HRH1: variants seen among roughly 807,000 people sequenced by gnomAD.
The protein encoded by HRH1 is histamine receptor H1, also known as histamine H1 receptor.
A neutral mutation model predicts 10.3 loss-of-function variants in HRH1; 6 were observed. That is an observed-to-expected ratio of 0.58 (90% confidence interval 0.32 to 1.15). The LOEUF is 1.15. HRH1 is among the 50% of genes most tolerant of loss of function. HRH1 has a pLI of 0.05. For missense variants in HRH1, 514 were observed against 615.3 expected (o/e 0.84, Z 1.74); for synonymous variants, 242 against 236.7 (o/e 1.02, Z -0.21).
intron 1 of HRH1, among the ~76,000 whole-genome samples, chr3:11,212,348 C>T (rs1938355764): frequency 6.6e-6 from 1 of 152,156 alleles, no homozygotes; most frequent in African/African-American, 2.4e-5. Context: ...CCAGTCTGGG[C>T]ACAATTTTCA....
intron 1 of HRH1, among the ~76,000 whole-genome samples, chr3:11,189,000 A>T (rs1488665065): frequency 6.6e-6 from 1 of 152,358 alleles, no homozygotes; most frequent in East Asian, 1.9e-4. Flanking sequence ...AATATGAAAT[A>T]ATGCATACCT....
At chr3:11,194,754 G>T (rs1937609579) in intron 1 of HRH1, among the ~76,000 whole-genome samples, 1 of 152,196 alleles carries the variant, frequency 6.6e-6, no homozygotes. Flanking sequence ...GGCAGAGGTT[G>T]CAGTGAGCTG....
intron 1 of HRH1, among the ~76,000 whole-genome samples, chr3:11,230,873 A>G (rs928943633): frequency 2.6e-5 from 4 of 152,166 alleles, no homozygotes; most frequent in South Asian, 2.1e-4. Context: ...ACTTTACTCA[A>G]TTTCCTCCAG....
rs537153421 is a variant in HRH1 at position 11,179,545 on chromosome 3, G to A, written c.-36+24991G>A. ...TGAGGCAGGAGAATGGCGTGAACTC[G>A]GGAGGCGGAGCTTGCAGTGAGCTGA... On this transcript the variant is annotated intron_variant, in intron 1 of 1. Coordinates refer to ENST00000431010, the MANE Select transcript of HRH1 (RefSeq NM_001098212.2). Among the ~76,000 whole-genome samples, 18 of 150,396 alleles carry A rather than the reference G, an allele frequency of 1.2e-4. No homozygotes were observed. The South Asian group carries it at 3.0e-3, about 25-fold the overall frequency.
chr3:11,194,453 G>A (rs756701687), intron 1 of HRH1, among the ~76,000 whole-genome samples: 5 of 152,132 alleles, frequency 3.3e-5, no homozygotes, highest in African/African-American at 7.2e-5. Flanking sequence ...ACTTACCCAC[G>A]CTTCATCTCA....
At chr3:11,243,244 T>C (rs1168860339) in intron 1 of HRH1, among the ~76,000 whole-genome samples, 1 of 152,128 alleles carries the variant, frequency 6.6e-6, no homozygotes, top group East Asian at 1.9e-4. Context: ...GCTCATCCAG[T>C]AAACCTCTGT....
At chr3:11,150,639 A>C (rs1024318723), upstream of HRH1, among the ~76,000 whole-genome samples, 3 of 152,176 alleles carry the variant, frequency 2.0e-5, no homozygotes, top group South Asian at 2.1e-4. Flanking sequence ...GGAGGATTTA[A>C]AGTTATCAGT....
rs1376404959 is a variant in HRH1, at chr3:11,258,989, C to G, written c.-35-14C>G. ...CCAAGTCTCTGACCTTACTTTTTCT[C>G]TCTTTTCTCCCAGGGAGTGAGCCAT... On this transcript the variant is annotated splice_polypyrimidine_tract_variant and intron_variant, in intron 1 of 1. Transcript: ENST00000431010. 2.0e-6 allele frequency: 3 copies of G among 1,529,182 alleles called. No individual in the cohort carries two copies. Among genetic ancestry groups the G allele is most frequent in the Admixed American group, 2.2e-5 (1 of 46,502 alleles). 94.7% of individuals were successfully genotyped at this position (1,529,182 alleles called of 1,614,324 possible). A position where few individuals can be genotyped will look rare whatever the true frequency, so the allele number is the denominator to read the frequency against.
chr3:11,207,056 G>A (rs938956892), intron 1 of HRH1, among the ~76,000 whole-genome samples: 3 of 152,172 alleles, frequency 2.0e-5, no homozygotes, highest in African/African-American at 7.2e-5. Flanking sequence ...GGTTTGCAGT[G>A]GAATGGGCTT....
intron 1 of HRH1, among the ~76,000 whole-genome samples, chr3:11,254,043 A>C (rs1939722243): frequency 6.6e-6 from 1 of 152,084 alleles, no homozygotes; most frequent in Admixed American, 6.6e-5. Flanking sequence ...TCCTTCCATT[A>C]TCCTTCCAAT....
intron 1 of HRH1, among the ~76,000 whole-genome samples, chr3:11,200,100 G>T (rs1400272835): frequency 6.6e-6 from 1 of 152,198 alleles, no homozygotes; most frequent in Non-Finnish European, 1.5e-5. Context: ...GGATATTGTT[G>T]TGTCTGGGTG....
At chr3:11,213,680 G>A (rs1428494376) in intron 1 of HRH1, among the ~76,000 whole-genome samples, 1 of 152,200 alleles carries the variant, frequency 6.6e-6, no homozygotes, top group Non-Finnish European at 1.5e-5. Flanking sequence ...CCTTATGAGG[G>A]CATTAATCCC....
chr3:11,247,988 T>C (rs1272225955), intron 1 of HRH1, among the ~76,000 whole-genome samples: 1 of 152,220 alleles, frequency 6.6e-6, no homozygotes, highest in African/African-American at 2.4e-5. Context: ...CATTTCTCCA[T>C]GAGGGTTGTA....
intron 1 of HRH1, among the ~76,000 whole-genome samples, chr3:11,213,291 G>A (rs1938387106): frequency 1.3e-5 from 2 of 152,162 alleles, no homozygotes; most frequent in African/African-American, 4.8e-5. Context: ...TTGATTGAAC[G>A]AATTAATGAA....
intron 1 of HRH1, among the ~76,000 whole-genome samples, chr3:11,201,890 C>T (rs1016694184): frequency 6.6e-6 from 1 of 152,140 alleles, no homozygotes; most frequent in African/African-American, 2.4e-5. Context: ...TGTCTGCCGC[C>T]CAGGCCTGTG....
intron 1 of HRH1, among the ~76,000 whole-genome samples, chr3:11,245,309 T>G (rs1333944214): frequency 2.0e-5 from 3 of 151,562 alleles, no homozygotes; most frequent in Non-Finnish European, 2.9e-5. Flanking sequence ...GCTGAGATCA[T>G]GCCACTGCAC....
At chr3:11,219,768 A>C (rs1287119427) in intron 1 of HRH1, among the ~76,000 whole-genome samples, 2 of 151,584 alleles carry the variant, frequency 1.3e-5, no homozygotes, top group African/African-American at 2.4e-5. Context: ...GTAACAATTC[A>C]ATCAATGCAC....
chr3:11,180,948 T>C (rs1040651533), intron 1 of HRH1, among the ~76,000 whole-genome samples: 102 of 121,074 alleles, frequency 8.4e-4, no homozygotes, highest in East Asian at 1.3e-3. Flanking sequence ...CTCTCAGGCA[T>C]ACACACACAC....
upstream of HRH1, among the ~76,000 whole-genome samples, chr3:11,152,211 T>C (rs115973303): frequency 3.4e-3 from 517 of 152,338 alleles, 1 homozygote; most frequent in African/African-American, 0.012. Context: ...GCATTATTTA[T>C]GTAAAGCTCT....
Sources: allele counts gnomAD v4.1 joint callset (sites outside exome capture counted in the v4.1 genomes callset), GRCh38; gene constraint gnomAD v4.1.1; transcripts MANE v1.5; gene names NCBI Gene and HGNC (gene_info 2026-07-23, HGNC 2026-07-21).